Variants in ANO3 observed in about 807,000 individuals in gnomAD.
ANO3 encodes anoctamin 3, also known as anoctamin-3.
Under a neutral mutation model 144.8 loss-of-function variants are expected in ANO3, and 99 were observed. The observed-to-expected ratio is 0.68, with a 90% confidence interval of 0.58 to 0.81. ANO3 has a LOEUF of 0.81. ANO3 is among the 30% of genes least tolerant of loss of function. ANO3 has a pLI of 0.00. For synonymous variants in ANO3, 414 were observed against 392.6 expected, an observed-to-expected ratio of 1.05 and a Z score of -0.64; for missense variants, 905 against 1,202.2, an observed-to-expected ratio of 0.75 and a Z score of 3.66.
chr11:26,443,884 G>T (rs1259896568), intron 3 of ANO3, 48 bp downstream of exon 3: 4 of 1,292,798 alleles, frequency 3.1e-6, no homozygotes, highest in Non-Finnish European at 4.4e-6. Context: ...CTCTCCAAAG[G>T]TAAGCTGTGT....
At chr11:26,331,947 C>G, upstream of ANO3, 4 of 473,770 alleles carry the variant, frequency 8.4e-6, no homozygotes, top group Middle Eastern at 2.4e-3. Context: ...CGATTTATAT[C>G]TCCTCCTCCA....
chr11:26,369,364 T>A (rs982617532), intron 1 of ANO3, among the ~76,000 whole-genome samples: 1 of 152,074 alleles, frequency 6.6e-6, no homozygotes, highest in African/African-American at 2.4e-5. Flanking sequence ...ATTTTCAGTG[T>A]TTTCCTCCTC....
intron 26 of ANO3, among the ~76,000 whole-genome samples, chr11:26,659,901 C>A (rs988741403): frequency 2.6e-5 from 4 of 152,066 alleles, no homozygotes; most frequent in African/African-American, 9.7e-5. Context: ...ATCTATTGGA[C>A]ATGGGTTCTC....
chr11:26,210,826 T>C (rs1172590338), intron 1 of ANO3, among the ~76,000 whole-genome samples: 1 of 152,132 alleles, frequency 6.6e-6, no homozygotes, highest in African/African-American at 2.4e-5. Flanking sequence ...TTTTGCGCAT[T>C]GATTTTGTAT....
intron 1 of ANO3, among the ~76,000 whole-genome samples, chr11:26,190,463 T>C (rs1851453271): frequency 6.6e-6 from 1 of 152,188 alleles, no homozygotes; most frequent in Non-Finnish European, 1.5e-5. Context: ...TTACTAGATA[T>C]TGAACCTAAA....
At chr11:26,384,421 C>G (rs141737619) in intron 1 of ANO3, among the ~76,000 whole-genome samples, 1 of 152,006 alleles carries the variant, frequency 6.6e-6, no homozygotes, top group Admixed American at 6.6e-5. Flanking sequence ...CCTATTAGCT[C>G]CGAGATGAGC....
At chr11:26,478,038 G>A (rs74323195) in intron 4 of ANO3, among the ~76,000 whole-genome samples, 2 of 152,166 alleles carry the variant, frequency 1.3e-5, no homozygotes, top group Non-Finnish European at 2.9e-5. Context: ...TAAAAGTGCA[G>A]TGAAACAAGG....
At chr11:26,306,694 C>T (rs139053737), upstream of ANO3, among the ~76,000 whole-genome samples, 1,243 of 152,192 alleles carry the variant, frequency 8.2e-3, 15 homozygotes, top group African/African-American at 0.027. Context: ...TTTTTAAAAA[C>T]CGGAATTGCC....
intron 22 of ANO3, among the ~76,000 whole-genome samples, chr11:26,642,342 C>CTTTTTTTTTTTTTTTTTTTTTTTTTCT (rs576729432): frequency 1.1e-5 from 1 of 93,066 alleles, no homozygotes; most frequent in African/African-American, 4.2e-5. Flanking sequence ...TTCTTTCTTT[C>CTTTTTTTTTTTTTTTTTTTTTTTTTCT]TTTTTTTTTT....
intron 14 of ANO3, among the ~76,000 whole-genome samples, chr11:26,588,495 A>G (rs1378501574): frequency 6.6e-6 from 1 of 152,200 alleles, no homozygotes; most frequent in African/African-American, 2.4e-5. Context: ...ACTTTCTGAG[A>G]AAGATTCAAT....
At chr11:26,448,908 A>G (rs1858811441) in intron 3 of ANO3, among the ~76,000 whole-genome samples, 1 of 150,934 alleles carries the variant, frequency 6.6e-6, no homozygotes, top group African/African-American at 2.5e-5. Flanking sequence ...ATAACTTCCG[A>G]ACAGATCTCC....
At chr11:26,290,973 T>G (rs1853942675) in intron 1 of ANO3, among the ~76,000 whole-genome samples, 3 of 152,198 alleles carry the variant, frequency 2.0e-5, no homozygotes, top group Admixed American at 1.3e-4. Flanking sequence ...TTGTTAACTA[T>G]CTGTCTCGTT....
intron 4 of ANO3, among the ~76,000 whole-genome samples, chr11:26,497,054 T>TTC (rs1565061803): frequency 6.8e-6 from 1 of 146,982 alleles, no homozygotes; most frequent in Non-Finnish European, 1.5e-5. Context: ...ACACTACATT[T>TTC]TCTCTCTCTA....
intron 1 of ANO3, among the ~76,000 whole-genome samples, chr11:26,277,732 A>T (rs955837984): frequency 1.3e-5 from 2 of 151,784 alleles, no homozygotes; most frequent in African/African-American, 4.8e-5. Flanking sequence ...TTCTTGGCTT[A>T]ATATCATCTT....
At chr11:26,522,531 C>T (rs373633574) in intron 6 of ANO3, among the ~76,000 whole-genome samples, 1 of 151,936 alleles carries the variant, frequency 6.6e-6, no homozygotes, top group Non-Finnish European at 1.5e-5. Context: ...AATAGCAGAA[C>T]CTTTCAAATG....
intron 7 of ANO3, among the ~76,000 whole-genome samples, chr11:26,527,965 C>G (rs994906908): frequency 2.0e-5 from 3 of 152,062 alleles, no homozygotes; most frequent in Admixed American, 2.0e-4. Flanking sequence ...TTCCTTTGAC[C>G]CTTTAATCCA....
intron 1 of ANO3, among the ~76,000 whole-genome samples, chr11:26,364,995 A>G (rs542565123): frequency 8.5e-5 from 13 of 152,344 alleles, no homozygotes; most frequent in Admixed American, 2.0e-4. Context: ...AATTTCACCC[A>G]TGAACATATA....
intron 20 of ANO3, among the ~76,000 whole-genome samples, chr11:26,635,848 G>A (rs1295961467): frequency 6.6e-6 from 1 of 152,090 alleles, no homozygotes; most frequent in Non-Finnish European, 1.5e-5. Flanking sequence ...TTCCCACCCA[G>A]ATGCATGATT....
chr11:26,661,563 TAA>T lies in ANO3; in HGVS notation c.*1125_*1126del, dbSNP rs548499495. The T allele has an allele frequency of 1.3e-4, 20 of 152,600 alleles. No individual in the cohort carries two copies. The highest frequency in any genetic ancestry group is 1.2e-3 in the Admixed American group (19 of 15,244). The allele number at this position is 152,600 out of a possible 1,614,324, so 9.5% of individuals were successfully genotyped here. On this transcript the variant is annotated 3_prime_UTR_variant, in exon 27 of 27. Transcript: ENST00000256737. ...ATGAATATAAATCTATATTATTTGCTAAAAAAAGAAAAAACATTTGTGTTTTA... is the reference window on the plus strand; with the variant it reads ...ATGAATATAAATCTATATTATTTGCTAAAAAGAAAAAACATTTGTGTTTTA...
Sources: gnomAD v4.1 joint callset for allele counts (sites outside exome capture counted in the v4.1 genomes callset) on GRCh38, gnomAD v4.1.1 for gene constraint, MANE v1.5 for transcripts, NCBI Gene and HGNC (gene_info 2026-07-23, HGNC 2026-07-21) for gene names.